The following ZNF521 variants were observed in gnomAD, a reference collection of about 807,000 sequenced individuals.
ZNF521 encodes the protein LYST-interacting protein 3.
ZNF521 carries 14 observed loss-of-function variants against 105.5 expected under a neutral mutation model. The ratio of observed to expected loss-of-function variants is 0.13; its 90% CI spans 0.09 to 0.21. The LOEUF (loss-of-function observed/expected upper bound fraction) is 0.21, where lower values mean the gene tolerates loss of function less well. Among genes scored for constraint, ZNF521 ranks in the 10% least tolerant of loss-of-function variants. The probability of loss-of-function intolerance (pLI) is 1.00; values close to 1 mark genes in which losing one functional copy is unlikely to be tolerated. For missense variants in ZNF521, 1,233 were observed against 1,629.7 expected, an observed-to-expected ratio of 0.76 and a Z score of 4.19; for synonymous variants, 635 against 606.0, an observed-to-expected ratio of 1.05 and a Z score of -0.70.
intron 5 of ZNF521, among the ~76,000 whole-genome samples, chr18:25,156,430 C>T (rs1327811733): frequency 2.6e-5 from 4 of 152,138 alleles, no homozygotes; most frequent in African/African-American, 4.8e-5. Flanking sequence ...TCAGAAGAAA[C>T]ATTTTCTCAC....
intron 5 of ZNF521, among the ~76,000 whole-genome samples, chr18:25,135,640 T>C (rs2034720277): frequency 6.6e-6 from 1 of 152,276 alleles, no homozygotes. Flanking sequence ...ACAGCTAATT[T>C]TAACAGAGTG....
chr18:25,241,912 A>ATGCG (rs1450859989), intron 3 of ZNF521, among the ~76,000 whole-genome samples: 1 of 152,190 alleles, frequency 6.6e-6, no homozygotes, highest in Non-Finnish European at 1.5e-5. Context: ...AAAAGAATGT[A>ATGCG]TGCGTGCTTT....
chr18:25,345,229 T>C (rs1011074400), intron 2 of ZNF521: 5 of 152,248 alleles, frequency 3.3e-5, no homozygotes, highest in South Asian at 4.1e-4. Context: ...AATAAGCAAG[T>C]ACAAAGAACT....
chr18:25,163,440 T>C (rs904710501), intron 5 of ZNF521, among the ~76,000 whole-genome samples: 1 of 152,198 alleles, frequency 6.6e-6, no homozygotes, highest in Non-Finnish European at 1.5e-5. Context: ...AGCCCCTTTT[T>C]AGCACCGTGC....
At chr18:25,249,796 A>C (rs1907986591) in intron 3 of ZNF521, among the ~76,000 whole-genome samples, 1 of 152,188 alleles carries the variant, frequency 6.6e-6, no homozygotes, top group Non-Finnish European at 1.5e-5. Flanking sequence ...CTTTGCTAAA[A>C]TAAAAGAATT....
rs571622708 is a variant in ZNF521, at chr18:25,224,603, T to C, written c.3315A>G (p.Pro1105=). Reference sequence around the variant, plus strand: ...TCGTGCCGGGAGGGACGTTAATGCCTGGGCTGGCGCTCTTACTGAGATTCA... The same window carrying C: ...TCGTGCCGGGAGGGACGTTAATGCCCGGGCTGGCGCTCTTACTGAGATTCA... ...GCVNLSKSAS[P]GINVPPGTNR... is the part of the protein sequence containing the mutation. Residue 1105 remains proline, a synonymous_variant, in exon 4 of 8, where the codon CCA becomes CCG. Coordinates refer to ENST00000361524, the MANE Select transcript of ZNF521 (RefSeq NM_015461.3). 1 of 1,614,142 alleles carries C rather than the reference T, an allele frequency of 6.2e-7. No homozygotes were observed. Among genetic ancestry groups the C allele is most frequent in the Non-Finnish European group, 8.5e-7 (1 of 1,180,008 alleles).
At chr18:25,164,886 C>A (rs2035311381) in intron 5 of ZNF521, among the ~76,000 whole-genome samples, 1 of 152,228 alleles carries the variant, frequency 6.6e-6, no homozygotes, top group African/African-American at 2.4e-5. Context: ...AAATGCAATA[C>A]ACCTGGATAG....
At chr18:25,349,809 G>A (rs1203480381) in intron 2 of ZNF521, among the ~76,000 whole-genome samples, 1 of 150,096 alleles carries the variant, frequency 6.7e-6, no homozygotes, top group Non-Finnish European at 1.5e-5. Flanking sequence ...CGCACCAGCC[G>A]CCCTTTGTCC....
At chr18:25,096,947 C>A (rs938304541) in intron 5 of ZNF521, among the ~76,000 whole-genome samples, 2 of 152,116 alleles carry the variant, frequency 1.3e-5, no homozygotes, top group Admixed American at 6.6e-5. Context: ...TGTAACTTAT[C>A]CAGTTCGAAT....
At chr18:25,140,222 T>C (rs181905198) in intron 5 of ZNF521, among the ~76,000 whole-genome samples, 303 of 152,314 alleles carry the variant, frequency 2.0e-3, no homozygotes, top group Non-Finnish European at 2.8e-3. Flanking sequence ...CAGTCCCTTC[T>C]TAGCTTCCCT....
chr18:25,208,032 C>T (rs1338467657), intron 4 of ZNF521, among the ~76,000 whole-genome samples: 4 of 151,284 alleles, frequency 2.6e-5, no homozygotes, highest in Admixed American at 1.3e-4. Context: ...AGGAAAGCAC[C>T]GTGATTTTTT....
In ZNF521 at chr18:25,225,508, T is replaced by A; in HGVS notation, c.2410A>T (p.Thr804Ser). 6.2e-7 allele frequency: 1 copy of A among 1,614,148 alleles called. No individual in the cohort carries two copies. Among genetic ancestry groups the A allele is most frequent in the African/African-American group, 1.3e-5 (1 of 75,038 alleles). ...TTGCAGTTGTACTTCTTACTGTGAG[T>A]GGTGATGTGGCATTGCAGCTCCACC... ...TEVELQCHIT[T>S]HSKKYNCKFC... Residue 804 changes from threonine to serine, a missense_variant, in exon 4 of 8, where the codon ACT becomes TCT. Thr to Ser is a moderately conservative substitution (Grantham distance 58). Transcript: ENST00000361524. The surrounding 1 kb of genome is among the most constrained non-coding windows in gnomAD (Gnocchi z 5.6).
chr18:25,222,833 C>T (rs1433205934), intron 4 of ZNF521, among the ~76,000 whole-genome samples: 1 of 152,056 alleles, frequency 6.6e-6, no homozygotes, highest in Non-Finnish European at 1.5e-5. Context: ...TAGTGAATTG[C>T]TTTAGCTAAT....
At chr18:25,317,045 C>T (rs531090268) in intron 3 of ZNF521, among the ~76,000 whole-genome samples, 37 of 151,942 alleles carry the variant, frequency 2.4e-4, no homozygotes, top group South Asian at 2.1e-3. Flanking sequence ...TTAGTAGAGA[C>T]GGGGTTTCAC....
At chr18:25,095,643 C>T (rs1477044975) in intron 5 of ZNF521, among the ~76,000 whole-genome samples, 2 of 152,018 alleles carry the variant, frequency 1.3e-5, no homozygotes, top group Non-Finnish European at 2.9e-5. Context: ...TTTCTAAACC[C>T]TATTAATGAA....
At position 25,062,664 on chromosome 18, in the gene ZNF521, C is replaced by A; in HGVS notation, c.*48G>T. 2 of 1,542,146 alleles carry A rather than the reference C, an allele frequency of 1.3e-6. No individual in the cohort carries two copies. Among genetic ancestry groups the A allele is most frequent in the South Asian group, 1.2e-5 (1 of 84,860 alleles). ...TTTCGTGCAAAGAGTAAAACATGTT[C>A]CCTTTTTGTGCCACAAAATCAATTC... is the stretch of plus-strand genomic sequence containing the variant. On this transcript the variant is annotated 3_prime_UTR_variant, in exon 8 of 8. Transcript: ENST00000361524.
chr18:25,224,252 A>G (rs1905935305), intron 4 of ZNF521, 93 bp downstream of exon 4: 2 of 1,197,948 alleles, frequency 1.7e-6, no homozygotes, highest in African/African-American at 1.5e-5. Flanking sequence ...CTTTTGGCCC[A>G]TGACAATAAA....
chr18:25,282,447 C>A (rs1245997758), intron 3 of ZNF521, among the ~76,000 whole-genome samples: 1 of 152,080 alleles, frequency 6.6e-6, no homozygotes, highest in African/African-American at 2.4e-5. Context: ...GGAGGCAGCA[C>A]CCGGTGTCAG....
intron 2 of ZNF521, among the ~76,000 whole-genome samples, chr18:25,332,790 C>T (rs916428344): frequency 6.6e-6 from 1 of 152,116 alleles, no homozygotes; most frequent in Non-Finnish European, 1.5e-5. Flanking sequence ...AGAATGACCA[C>T]CTCACCAAAT....
Sources: gnomAD v4.1 joint callset for allele counts (sites outside exome capture counted in the v4.1 genomes callset) on GRCh38, gnomAD v4.1.1 for gene constraint, Gnocchi (gnomAD v3.1) non-coding constraint, MANE v1.5 for transcripts, NCBI Gene and HGNC (gene_info 2026-07-23, HGNC 2026-07-21) for gene names.